Variants in TRIP11 observed in about 807,000 individuals in gnomAD.
TRIP11 encodes the protein thyroid hormone receptor interactor 11.
A neutral mutation model predicts 223.1 loss-of-function variants in TRIP11; 148 were observed. The ratio of observed to expected loss-of-function variants is 0.66; its 90% CI spans 0.58 to 0.76. The LOEUF (loss-of-function observed/expected upper bound fraction) is 0.76, where lower values mean the gene tolerates loss of function less well. Among genes scored for constraint, TRIP11 ranks in the 30% least tolerant of loss-of-function variants. The pLI is 0.00. For missense variants in TRIP11, 2,043 were observed against 2,222.0 expected (o/e 0.92, Z 1.62); for synonymous variants, 762 against 772.6 (o/e 0.99, Z 0.23).
In TRIP11 at chr14:91,975,165, C is replaced by T; in HGVS notation, c.5457+7G>A. ...ATGTGTTCAGATGGCTTTCATCGTC[C>T]AGTCACCTGCTCCATCTCCTCCCTT... On this transcript the variant is annotated splice_region_variant and intron_variant, in intron 18 of 20. Coordinates refer to ENST00000267622, the MANE Select transcript of TRIP11 (RefSeq NM_004239.4). 6.2e-7 allele frequency: 1 copy of T among 1,610,148 alleles called. No individual in the cohort carries two copies. Among genetic ancestry groups the T allele is most frequent in the Non-Finnish European group, 8.5e-7 (1 of 1,176,660 alleles).
At chr14:91,981,116 A>C (rs1022853077) in intron 16 of TRIP11, among the ~76,000 whole-genome samples, 3 of 145,424 alleles carry the variant, frequency 2.1e-5, no homozygotes, top group African/African-American at 7.7e-5. Context: ...CCCAGGTTCA[A>C]GCAATTCTCC....
rs2056342390 is a variant in TRIP11, at chr14:91,966,372, A to G, written c.*3301T>C. The G allele has an allele frequency of 5.4e-6, 1 of 183,902 alleles. No homozygotes were observed. The highest frequency in any genetic ancestry group is 8.9e-5 in the East Asian group (1 of 11,280). 11.4% of individuals were successfully genotyped at this position (183,902 alleles called of 1,614,324 possible). On this transcript the variant is annotated 3_prime_UTR_variant, in exon 21 of 21. Coordinates refer to ENST00000267622, the MANE Select transcript of TRIP11 (RefSeq NM_004239.4). Reference sequence around the variant, plus strand: ...TGATATTTACAAAACTTAAAGATAAATTTTTGTGGATGGAAGATGTCTTGA... The same window carrying G: ...TGATATTTACAAAACTTAAAGATAAGTTTTTGTGGATGGAAGATGTCTTGA...
chr14:92,019,408 G>C (rs2057081598), intron 4 of TRIP11, among the ~76,000 whole-genome samples: 1 of 152,162 alleles, frequency 6.6e-6, no homozygotes, highest in African/African-American at 2.4e-5. Context: ...AAGTTCTCCA[G>C]GTCATTTCTT....
At chr14:91,999,202 G>A in intron 13 of TRIP11, 38 bp downstream of exon 13, 2 of 1,595,738 alleles carry the variant, frequency 1.3e-6, no homozygotes, top group South Asian at 1.1e-5. Context: ...TTTAAGAAGT[G>A]TTCAGTTAAA....
At chr14:92,016,751 T>C (rs556511846) in intron 5 of TRIP11, among the ~76,000 whole-genome samples, 12 of 152,302 alleles carry the variant, frequency 7.9e-5, no homozygotes, top group East Asian at 5.8e-4. Context: ...ATGGTCTCCA[T>C]TGATAATAAA....
chr14:91,970,116 T>G (rs1009331453), intron 20 of TRIP11, among the ~76,000 whole-genome samples: 1 of 152,076 alleles, frequency 6.6e-6, no homozygotes, highest in Non-Finnish European at 1.5e-5. Flanking sequence ...TTATTCAAAA[T>G]GAAAACGCAG....
chr14:92,013,006 C>A (rs577712315), intron 7 of TRIP11, among the ~76,000 whole-genome samples: 1 of 152,142 alleles, frequency 6.6e-6, no homozygotes, highest in African/African-American at 2.4e-5. Flanking sequence ...CGGTGGCTCA[C>A]GCCTGTAATC....
At position 92,003,624 on chromosome 14, in the gene TRIP11, A is replaced by G. The variant is rs766902012; in HGVS notation, c.4352T>C (p.Ile1451Thr). The change falls in exon 11 of 21, where the codon ATA becomes ACA. Residue 1451 changes from isoleucine (I) to threonine (T), a missense_variant. By Grantham distance (89) the Ile-to-Thr change is moderately conservative. Coordinates refer to ENST00000267622, the MANE Select transcript of TRIP11 (RefSeq NM_004239.4). ...GCCAATGTCCATCTCTAGAATTAAT[A>G]TTCTCTCCTTCAGGTTTGTTACTGC... ...RQAVTNLKERILILEMDIGKL... is the reference protein window; with the variant it reads ...RQAVTNLKERTLILEMDIGKL... The G allele has an allele frequency of 1.9e-6, 3 of 1,614,108 alleles. No homozygotes were observed. The highest frequency in any genetic ancestry group is 2.5e-6 in the Non-Finnish European group (3 of 1,180,008).
In TRIP11 at chr14:92,004,538, T is replaced by A; in HGVS notation, c.3438A>T (p.Arg1146Ser). 1 of 1,613,398 alleles carries A rather than the reference T, an allele frequency of 6.2e-7. No homozygotes were observed. Residue 1146 changes from arginine (R) to serine (S), a missense_variant, in exon 11 of 21, where the codon AGA (arginine) becomes AGT (serine). Coordinates refer to ENST00000267622, the MANE Select transcript of TRIP11 (RefSeq NM_004239.4). Reference sequence around the variant, plus strand: ...ACATATCTTGGCCACTACTTTCAAATCTAGTGGACAATTTTTTATTTTCAT... The same window carrying A: ...ACATATCTTGGCCACTACTTTCAAAACTAGTGGACAATTTTTTATTTTCAT... The part of the protein sequence containing the change: ...LQDENKKLST[R>S]FESSGQDMFR...
At chr14:91,981,422 C>T (rs2056543299) in intron 16 of TRIP11, among the ~76,000 whole-genome samples, 1 of 152,102 alleles carries the variant, frequency 6.6e-6, no homozygotes, top group African/African-American at 2.4e-5. Context: ...CAGAGTCTCG[C>T]TCTGTCACCC....
Position 92,025,412 on chromosome 14 carries a change from C to G in TRIP11, c.210G>C (p.Arg70Ser), listed in dbSNP as rs1364966765. The G allele has an allele frequency of 6.2e-7, 1 of 1,611,478 alleles. No homozygotes were observed. Among genetic ancestry groups the G allele is most frequent in the Non-Finnish European group, 8.5e-7 (1 of 1,179,042 alleles). The change falls in exon 3 of 21, where the codon AGG becomes AGC. Residue 70 changes from arginine to serine, a missense_variant. Arg to Ser is a moderately radical substitution (Grantham distance 110). Coordinates refer to ENST00000267622, the MANE Select transcript of TRIP11 (RefSeq NM_004239.4). Reference sequence around the variant, plus strand: ...CTAGATCAGTACAAAGTTTCTTAAGCCTTTCATTCTAGAAAAAAAAAGTAT... The same window carrying G: ...CTAGATCAGTACAAAGTTTCTTAAGGCTTTCATTCTAGAAAAAAAAAGTAT... ...IHAILRSENE[R>S]LKKLCTDLEE...
At chr14:91,972,613 C>T in intron 20 of TRIP11, 104 bp downstream of exon 20, 2 of 1,234,644 alleles carry the variant, frequency 1.6e-6, no homozygotes, top group African/African-American at 1.5e-5. Context: ...CCTGATTACA[C>T]ATTTCCAAAA....
At chr14:92,003,005 A>G (rs28433666) in intron 11 of TRIP11, among the ~76,000 whole-genome samples, 5,437 of 152,248 alleles carry the variant, frequency 0.036, 311 homozygotes, top group African/African-American at 0.11. Flanking sequence ...CGTGAAATGT[A>G]TTTCTTACTG....
At chr14:92,036,384 G>C (rs1249273380) in intron 1 of TRIP11, among the ~76,000 whole-genome samples, 1 of 152,148 alleles carries the variant, frequency 6.6e-6, no homozygotes, top group Non-Finnish European at 1.5e-5. Context: ...TTACACTCAT[G>C]ATTTCATTTA....
At chr14:92,015,582 C>CG (rs1166475436) in intron 6 of TRIP11, 114 bp downstream of exon 6, 8 of 818,174 alleles carry the variant, frequency 9.8e-6, no homozygotes, top group African/African-American at 7.0e-5. Context: ...CGCTTGAACC[C>CG]GGGGGGCGGA....
Position 92,032,234 on chromosome 14 carries a change from G to A in TRIP11, c.201+958C>T, listed in dbSNP as rs193048154. The stretch of plus-strand genomic sequence containing the variant: ...GTGATCTCGGCTCAGTGCAACCTCC[G>A]CCTCCCAGTTTCCAGCAAGTCTCCT... On this transcript the variant is annotated intron_variant, in intron 2 of 20. Transcript: ENST00000267622. 1.5e-3 allele frequency among the ~76,000 whole-genome samples: 226 copies of A among 151,720 alleles called. 1 individual carries two copies. Among genetic ancestry groups the A allele is most frequent in the African/African-American group, 4.7e-3 (195 of 41,304 alleles).
At chr14:91,976,827 C>T (rs903510627) in intron 16 of TRIP11, among the ~76,000 whole-genome samples, 1 of 152,002 alleles carries the variant, frequency 6.6e-6, no homozygotes, top group African/African-American at 2.4e-5. Flanking sequence ...GAAGCAAAAT[C>T]CATAAAATCT....
intron 16 of TRIP11, among the ~76,000 whole-genome samples, chr14:91,982,713 C>G (rs1027166386): frequency 2.0e-5 from 3 of 152,230 alleles, no homozygotes; most frequent in African/African-American, 7.2e-5. Context: ...GGCCCACATT[C>G]CTGCATGGCA....
chr14:92,034,346 C>T (rs2057300671), intron 1 of TRIP11, among the ~76,000 whole-genome samples: 1 of 151,616 alleles, frequency 6.6e-6, no homozygotes, highest in Non-Finnish European at 1.5e-5. Context: ...TTGCTTGAAC[C>T]TGGGAGGTGG....
Sources: allele counts gnomAD v4.1 joint callset (sites outside exome capture counted in the v4.1 genomes callset), GRCh38; gene constraint gnomAD v4.1.1; transcripts MANE v1.5; gene names NCBI Gene and HGNC (gene_info 2026-07-23, HGNC 2026-07-21).